Variants in PCCA observed in about 807,000 individuals in gnomAD.
PCCA encodes the protein propionyl-CoA carboxylase subunit alpha, also known as propionyl-CoA carboxylase alpha chain, mitochondrial.
In PCCA, 74 loss-of-function variants were observed where a neutral mutation model predicts 101.3. The observed-to-expected ratio is 0.73, with a 90% CI of 0.61 to 0.89. PCCA has a LOEUF of 0.89. Among genes scored for constraint, PCCA ranks in the 40% least tolerant of loss-of-function variants. The pLI is 0.00. For missense variants in PCCA, 891 were observed against 907.0 expected (o/e 0.98, Z 0.23); for synonymous variants, 294 against 313.6 (o/e 0.94, Z 0.66).
intron 21 of PCCA, among the ~76,000 whole-genome samples, chr13:100,497,747 A>G (rs2085379889): frequency 2.0e-5 from 3 of 152,204 alleles, no homozygotes; most frequent in Non-Finnish European, 4.4e-5. Flanking sequence ...GTTCAAAAGA[A>G]TTTAGCGAGG....
chr13:100,244,296 C>G (rs2061318267), intron 8 of PCCA, among the ~76,000 whole-genome samples: 1 of 152,144 alleles, frequency 6.6e-6, no homozygotes, highest in African/African-American at 2.4e-5. Context: ...ATGATATTCC[C>G]TGGGAGACAG....
At position 100,297,191 on chromosome 13, in the gene PCCA, G is replaced by A. The variant is rs759143483; in HGVS notation, c.1066-4269G>A. 2.7e-4 allele frequency among the ~76,000 whole-genome samples: 41 copies of A among 152,174 alleles called. 1 individual carries two copies. Among genetic ancestry groups the A allele is most frequent in the Non-Finnish European group, 3.4e-4 (23 of 68,028 alleles). ...TTATTGGTGGTGTTGGCTTTGTTAA[G>A]GAGGTATCTCTGGCGTTTCTACACT... On this transcript the variant is annotated intron_variant, in intron 12 of 23. Transcript: ENST00000376285.
intron 4 of PCCA, among the ~76,000 whole-genome samples, chr13:100,132,821 T>G (rs763903675): frequency 6.6e-6 from 1 of 152,148 alleles, no homozygotes; most frequent in Admixed American, 6.5e-5. Flanking sequence ...TCACCGGGGC[T>G]AGAGTGTAGT....
At chr13:100,190,870 G>T (rs1346204942) in intron 6 of PCCA, among the ~76,000 whole-genome samples, 1 of 152,126 alleles carries the variant, frequency 6.6e-6, no homozygotes, top group Admixed American at 6.6e-5. Flanking sequence ...AGCTGAGATA[G>T]GTGGATCATG....
chr13:100,491,517 G>A (rs927881857), intron 21 of PCCA: 3 of 407,704 alleles, frequency 7.4e-6, no homozygotes, highest in Admixed American at 4.0e-5. Flanking sequence ...GAAGAAAATA[G>A]ATAAAAAGGA....
rs1035598693 is a variant in PCCA at position 100,092,426 on chromosome 13, A to G, written c.105+3201A>G. Among the ~76,000 whole-genome samples, 4 of 151,148 alleles carry G rather than the reference A, an allele frequency of 2.6e-5. No individual in the cohort carries two copies. The East Asian group carries it at 7.8e-4, about 29-fold the overall frequency. ...GAGATGGGGTCTGGCTCTGTTGGCC[A>G]GGCTGGAGTGCAGTGGCATGATCTT... On this transcript the variant is annotated intron_variant, in intron 1 of 23. Coordinates refer to ENST00000376285, the MANE Select transcript of PCCA (RefSeq NM_000282.4).
Position 100,450,306 on chromosome 13 carries a change from AT to A in PCCA, c.1899+1002del, listed in dbSNP as rs1195412618. Among the ~76,000 whole-genome samples the A allele has an allele frequency of 5.3e-5, 8 of 152,148 alleles. No individual in the cohort carries two copies. In the East Asian group the frequency reaches 1.2e-3, roughly 22 times the overall value. On this transcript the variant is annotated intron_variant, in intron 21 of 23. Coordinates refer to ENST00000376285, the MANE Select transcript of PCCA (RefSeq NM_000282.4). ...GGCTGAGGGAGGCTGAGGCAGGAGA[AT>A]CGCCTGAACTGAGGAGGTGGAGGTT...
chr13:100,500,147 G>C (rs780186457), intron 21 of PCCA, among the ~76,000 whole-genome samples: 1 of 152,158 alleles, frequency 6.6e-6, no homozygotes, highest in Non-Finnish European at 1.5e-5. Flanking sequence ...ACTGTCTTCA[G>C]ATTGAGGCGA....
chr13:100,341,885 G>A (rs2071365766), intron 18 of PCCA, among the ~76,000 whole-genome samples: 1 of 149,216 alleles, frequency 6.7e-6, no homozygotes, highest in Non-Finnish European at 1.5e-5. Flanking sequence ...TAAAAAGATG[G>A]AGAATAAAAA....
chr13:100,129,104 C>G (rs925710493), intron 4 of PCCA, among the ~76,000 whole-genome samples: 12 of 152,164 alleles, frequency 7.9e-5, no homozygotes, highest in Admixed American at 7.2e-4. Flanking sequence ...TCTGAATCCT[C>G]CTGCAGAAGC....
At chr13:100,443,096 A>G (rs1367161338) in intron 20 of PCCA, among the ~76,000 whole-genome samples, 5 of 152,144 alleles carry the variant, frequency 3.3e-5, no homozygotes, top group Admixed American at 3.3e-4. Flanking sequence ...CTTGGGGTAG[A>G]GACAGAGAAA....
intron 18 of PCCA, among the ~76,000 whole-genome samples, chr13:100,343,050 C>T (rs965531675): frequency 7.9e-5 from 12 of 151,988 alleles, no homozygotes; most frequent in Non-Finnish European, 1.6e-4. Flanking sequence ...CAAAAATTAG[C>T]GGGGGCGTGG....
intron 18 of PCCA, among the ~76,000 whole-genome samples, chr13:100,361,530 A>G (rs1364006041): frequency 1.3e-5 from 2 of 152,190 alleles, no homozygotes; most frequent in Non-Finnish European, 2.9e-5. Flanking sequence ...CTTGCAATAC[A>G]TAAATCTGAC....
intron 19 of PCCA, among the ~76,000 whole-genome samples, chr13:100,411,430 A>G (rs978798853): frequency 2.6e-5 from 4 of 152,140 alleles, no homozygotes; most frequent in African/African-American, 9.7e-5. Flanking sequence ...TATGTTGACC[A>G]GGCTGTGCCT....
intron 2 of PCCA, among the ~76,000 whole-genome samples, chr13:100,104,975 T>A (rs2047621544): frequency 6.6e-6 from 1 of 152,104 alleles, no homozygotes; most frequent in Non-Finnish European, 1.5e-5. Flanking sequence ...AGTGTTGGGA[T>A]TACAGGCATG....
At chr13:100,503,704 G>C (rs1358241859) in intron 21 of PCCA, among the ~76,000 whole-genome samples, 1 of 151,650 alleles carries the variant, frequency 6.6e-6, no homozygotes, top group East Asian at 1.9e-4. Flanking sequence ...AGTAGTTCGA[G>C]ACCAGCCTGG....
intron 1 of PCCA, among the ~76,000 whole-genome samples, chr13:100,091,138 T>G (rs1483779260): frequency 1.3e-5 from 2 of 151,924 alleles, no homozygotes; most frequent in Admixed American, 6.6e-5. Flanking sequence ...AGTCAGACCA[T>G]CTGGCTCTTA....
At chr13:100,184,138 G>A (rs74116335) in intron 6 of PCCA, among the ~76,000 whole-genome samples, 1 of 152,154 alleles carries the variant, frequency 6.6e-6, no homozygotes. Context: ...AAGCAGGCAC[G>A]TCTTACATGA....
intron 21 of PCCA, 21 bp downstream of exon 21, chr13:100,449,326 T>C (rs2081060694): frequency 1.4e-6 from 2 of 1,417,656 alleles, no homozygotes; most frequent in Non-Finnish European, 1.9e-6. Context: ...AATCATTCTT[T>C]ATTCTCTTAA....
Sources: allele counts gnomAD v4.1 joint callset (sites outside exome capture counted in the v4.1 genomes callset), GRCh38; gene constraint gnomAD v4.1.1; transcripts MANE v1.5; gene names NCBI Gene and HGNC (gene_info 2026-07-23, HGNC 2026-07-21).